The following CCDC122 variants were observed in gnomAD, a reference collection of about 807,000 sequenced individuals.
CCDC122 encodes the protein coiled-coil domain containing 122, also known as coiled-coil domain-containing protein 122.
A neutral mutation model predicts 37.0 loss-of-function variants in CCDC122; 38 were observed. The observed-to-expected ratio is 1.03, with a 90% confidence interval of 0.79 to 1.35. The LOEUF (loss-of-function observed/expected upper bound fraction) is 1.35. Ranked by LOEUF, CCDC122 falls within the 40% of genes most tolerant of loss-of-function variation. The pLI is 0.00. For synonymous variants in CCDC122, 83 were observed against 95.6 expected, an observed-to-expected ratio of 0.87 and a Z score of 0.77; for missense variants, 305 against 310.0, an observed-to-expected ratio of 0.98 and a Z score of 0.12.
At chr13:43,843,070 A>G (rs990838748) in intron 6 of CCDC122, among the ~76,000 whole-genome samples, 1 of 152,114 alleles carries the variant, frequency 6.6e-6, no homozygotes, top group African/African-American at 2.4e-5. Context: ...AAAGAAGGTG[A>G]TATCAGACAT....
At chr13:43,856,733 G>T (rs1217247375) in intron 6 of CCDC122, 1 of 152,130 alleles carries the variant, frequency 6.6e-6, no homozygotes, top group Non-Finnish European at 1.5e-5. Context: ...TATGGTATGT[G>T]AATTTTATCT....
At chr13:43,823,799 C>T (rs1281846479), downstream of CCDC122, 3 of 152,382 alleles carry the variant, frequency 2.0e-5, no homozygotes, top group African/African-American at 7.2e-5. Flanking sequence ...CTCTGAGCCC[C>T]CAGTCACTGC....
At chr13:43,874,798 C>T (rs2305100) in intron 2 of CCDC122, 44 bp downstream of exon 2, 19,576 of 152,210 alleles carry the variant, frequency 0.13, 1,559 homozygotes, top group African/African-American at 0.22. Flanking sequence ...TCATCAGAGA[C>T]ATCCAAAAAG....
downstream of CCDC122, among the ~76,000 whole-genome samples, chr13:43,822,098 C>G (rs12872862): frequency 1.3e-5 from 2 of 152,178 alleles, no homozygotes; most frequent in Non-Finnish European, 2.9e-5. Context: ...TTATTGTTGT[C>G]TTTGCAGTCT....
At chr13:43,870,820 G>A (rs565449741) in intron 2 of CCDC122, among the ~76,000 whole-genome samples, 19 of 152,192 alleles carry the variant, frequency 1.2e-4, no homozygotes, top group South Asian at 6.2e-4. Flanking sequence ...CAAAGTTCAT[G>A]CTCTTAATGC....
At chr13:43,867,777 T>C (rs1435805429) in intron 4 of CCDC122, among the ~76,000 whole-genome samples, 6 of 152,188 alleles carry the variant, frequency 3.9e-5, no homozygotes, top group Admixed American at 3.9e-4. Context: ...TTGAATTATA[T>C]TCTACTGTAT....
chr13:43,866,663 C>T (rs1954285393), intron 4 of CCDC122, among the ~76,000 whole-genome samples: 1 of 152,044 alleles, frequency 6.6e-6, no homozygotes, highest in Admixed American at 6.6e-5. Flanking sequence ...GTCAAATTTG[C>T]CCCTAAGTAT....
rs1327930882 is a variant in CCDC122 at position 43,859,990 on chromosome 13, T to C, written c.237A>G (p.Gln79=). Residue 79 remains glutamine (Q), a synonymous_variant, in exon 5 of 7, where the codon CAA becomes CAG. Transcript: ENST00000444614. The part of the protein sequence containing the change: ...TKETERQIYQ[Q]DSAIENTKLH... ...GTTTGGTATTCTCTATGGCAGAATC[T>C]TGTTGATAAATTTGTCTTTCTGTTT... 1 of 1,590,984 alleles carries C rather than the reference T, an allele frequency of 6.3e-7. No individual in the cohort carries two copies. The highest frequency in any genetic ancestry group is 1.8e-5 in the Admixed American group (1 of 56,558).
chr13:43,867,818 TAATAC>T (rs1319738251), intron 4 of CCDC122, among the ~76,000 whole-genome samples: 8 of 152,168 alleles, frequency 5.3e-5, no homozygotes, highest in Non-Finnish European at 1.2e-4. Flanking sequence ...GTGACTAACA[TAATAC>T]AAGTATTTAT....
At chr13:43,822,100 T>C (rs1952997811), downstream of CCDC122, among the ~76,000 whole-genome samples, 2 of 152,216 alleles carry the variant, frequency 1.3e-5, no homozygotes, top group African/African-American at 4.8e-5. Context: ...ATTGTTGTCT[T>C]TGCAGTCTGG....
At chr13:43,846,703 T>C (rs1371759559) in intron 6 of CCDC122, among the ~76,000 whole-genome samples, 1 of 152,200 alleles carries the variant, frequency 6.6e-6, no homozygotes, top group Non-Finnish European at 1.5e-5. Flanking sequence ...TCTACTCAGC[T>C]TATAAGCATT....
intron 4 of CCDC122, among the ~76,000 whole-genome samples, chr13:43,865,998 A>G (rs1298978025): frequency 6.6e-6 from 1 of 152,192 alleles, no homozygotes; most frequent in African/African-American, 2.4e-5. Flanking sequence ...AAGCACTGTG[A>G]TACTGCCACA....
chr13:43,868,951 T>C (rs1594856475), intron 3 of CCDC122, 148 bp from the exon 4 acceptor site: 1 of 538,194 alleles, frequency 1.9e-6, no homozygotes, highest in African/African-American at 2.0e-5. Context: ...CCCTTGCTGA[T>C]ATAAACAAAA....
At chr13:43,870,952 C>A (rs1438458275) in intron 2 of CCDC122, among the ~76,000 whole-genome samples, 1 of 152,008 alleles carries the variant, frequency 6.6e-6, no homozygotes, top group Non-Finnish European at 1.5e-5. Context: ...TACCAAGTTA[C>A]CCCCTTCCCC....
intron 6 of CCDC122, among the ~76,000 whole-genome samples, chr13:43,842,369 CTCTAT>C (rs1311096534): frequency 2.6e-5 from 4 of 151,986 alleles, no homozygotes; most frequent in Non-Finnish European, 5.9e-5. Context: ...AATTTCTGAA[CTCTAT>C]TCTGTTCCAT....
downstream of CCDC122, among the ~76,000 whole-genome samples, chr13:43,835,074 T>C (rs566049982): frequency 1.2e-4 from 18 of 151,810 alleles, no homozygotes; most frequent in African/African-American, 4.3e-4. Context: ...TGTCCAACAA[T>C]GATAGACTGG....
intron 3 of CCDC122, among the ~76,000 whole-genome samples, chr13:43,826,006 G>C (rs921245367): frequency 3.3e-5 from 5 of 152,072 alleles, no homozygotes; most frequent in African/African-American, 1.2e-4. Flanking sequence ...TCTGGACATG[G>C]GCTAAATATT....
intron 4 of CCDC122, among the ~76,000 whole-genome samples, chr13:43,863,307 CATA>C (rs1026456224): frequency 2.6e-5 from 4 of 151,996 alleles, no homozygotes; most frequent in Non-Finnish European, 5.9e-5. Flanking sequence ...TTTCAATAAG[CATA>C]ATTATTTCAA....
At chr13:43,854,520 G>A (rs2153873854) in intron 6 of CCDC122, 1 of 152,134 alleles carries the variant, frequency 6.6e-6, no homozygotes, top group East Asian at 1.9e-4. Flanking sequence ...GTACCAGATG[G>A]GTTCACAGCT....
Sources: gnomAD v4.1 joint callset for allele counts (sites outside exome capture counted in the v4.1 genomes callset) on GRCh38, gnomAD v4.1.1 for gene constraint, MANE v1.5 for transcripts, NCBI Gene and HGNC (gene_info 2026-07-23, HGNC 2026-07-21) for gene names.